SLC2A9: variants seen among roughly 807,000 people sequenced by gnomAD.
The protein encoded by SLC2A9 is solute carrier family 2, facilitated glucose transporter member 9.
Under a neutral mutation model 50.6 loss-of-function variants are expected in SLC2A9, and 39 were observed. The ratio of observed to expected loss-of-function variants is 0.77; its 90% CI spans 0.60 to 1.01. SLC2A9 has a LOEUF of 1.01. Ranked by LOEUF, SLC2A9 falls within the 50% of genes least tolerant of loss-of-function variation. SLC2A9 has a pLI of 0.00. For synonymous variants in SLC2A9, 324 were observed against 276.9 expected (o/e 1.17, Z -1.69); for missense variants, 686 against 677.6 (o/e 1.01, Z -0.14).
intron 2 of SLC2A9, among the ~76,000 whole-genome samples, chr4:10,014,386 C>A (rs73805489): frequency 0.022 from 3,352 of 152,332 alleles, 69 homozygotes; most frequent in African/African-American, 0.059. Flanking sequence ...TGCAGGCCTG[C>A]TCAGCTCACA....
downstream of SLC2A9, among the ~76,000 whole-genome samples, chr4:9,777,456 C>T (rs373968148): frequency 3.9e-5 from 6 of 152,094 alleles, no homozygotes; most frequent in Non-Finnish European, 7.3e-5. Flanking sequence ...CACTTACACA[C>T]CATGTATTGT....
At chr4:9,931,733 G>C (rs543045527) in intron 6 of SLC2A9, among the ~76,000 whole-genome samples, 2 of 151,850 alleles carry the variant, frequency 1.3e-5, no homozygotes, top group Non-Finnish European at 2.9e-5. Flanking sequence ...GGCAGCTTGT[G>C]AGAGCTTGCT....
intron 5 of SLC2A9, among the ~76,000 whole-genome samples, chr4:9,965,134 A>G (rs1752861998): frequency 6.6e-6 from 1 of 152,190 alleles, no homozygotes; most frequent in African/African-American, 2.4e-5. Flanking sequence ...AGGTCCCATT[A>G]TTAATGCTAT....
upstream of SLC2A9, among the ~76,000 whole-genome samples, chr4:10,024,050 A>G (rs576650735): frequency 2.2e-4 from 33 of 152,272 alleles, no homozygotes; most frequent in African/African-American, 7.7e-4. Context: ...CTACTCATTC[A>G]GGTTCTCCTG....
chr4:9,822,440 C>A (rs1398113692), downstream of SLC2A9, among the ~76,000 whole-genome samples: 3 of 150,890 alleles, frequency 2.0e-5, no homozygotes, highest in African/African-American at 7.2e-5. Flanking sequence ...ACTACATAAT[C>A]TCCTCTTTAT....
At chr4:10,026,509 C>T (rs1309318658) in intron 1 of SLC2A9, among the ~76,000 whole-genome samples, 1 of 152,320 alleles carries the variant, frequency 6.6e-6, no homozygotes, top group Admixed American at 6.5e-5. Context: ...TCCACCACCA[C>T]ATCGATGCCC....
intron 2 of SLC2A9, among the ~76,000 whole-genome samples, chr4:10,010,997 G>A (rs138700664): frequency 6.2e-4 from 95 of 152,220 alleles, no homozygotes; most frequent in African/African-American, 2.2e-3. Context: ...TAGGAAGTGC[G>A]TGAGTCCCAG....
chr4:9,934,171 T>C (rs1174995115), intron 6 of SLC2A9, among the ~76,000 whole-genome samples: 1 of 152,146 alleles, frequency 6.6e-6, no homozygotes, highest in Non-Finnish European at 1.5e-5. Context: ...CACTAGCATA[T>C]AAGAGGAACT....
At chr4:9,921,265 G>C (rs1043303383) in intron 6 of SLC2A9, among the ~76,000 whole-genome samples, 3 of 152,068 alleles carry the variant, frequency 2.0e-5, no homozygotes, top group African/African-American at 7.2e-5. Flanking sequence ...TTTCCATGTT[G>C]AACACTGCAA....
In SLC2A9 at chr4:9,781,980, A is replaced by G. The variant is rs559099689; in HGVS notation, n.386-1915T>C. On this transcript the variant is annotated intron_variant and non_coding_transcript_variant, in intron 3 of 3. Transcript: ENST00000503803. ...CCCGATGGGGCTGCCTGGGGGTCGC[A>G]GGGCTGAAGTTGGGACCGCGCACAG... The G allele has an allele frequency of 3.5e-5, 48 of 1,375,718 alleles. No homozygotes were observed. In the East Asian group the frequency reaches 1.0e-3, roughly 30 times the overall value. The allele number at this position is 1,375,718 out of a possible 1,614,324, so 85.2% of individuals were successfully genotyped here.
At chr4:9,888,143 A>G (rs1007766444) in intron 9 of SLC2A9, among the ~76,000 whole-genome samples, 1 of 151,308 alleles carries the variant, frequency 6.6e-6, no homozygotes, top group Admixed American at 6.6e-5. Context: ...GAGGAGGGAT[A>G]GCATTAGGAG....
intron 2 of SLC2A9, among the ~76,000 whole-genome samples, chr4:10,004,538 G>A (rs1560473259): frequency 6.6e-6 from 1 of 152,302 alleles, no homozygotes; most frequent in East Asian, 1.9e-4. Flanking sequence ...CCTAGAGAAT[G>A]GTGGAACCAC....
intron 8 of SLC2A9, among the ~76,000 whole-genome samples, chr4:9,900,317 G>T (rs1739366474): frequency 6.6e-6 from 1 of 152,206 alleles, no homozygotes; most frequent in South Asian, 2.1e-4. Flanking sequence ...TTATCAGAGG[G>T]ATGGGGAGTA....
At chr4:9,795,175 T>TA (rs1720450814), downstream of SLC2A9, among the ~76,000 whole-genome samples, 1 of 151,976 alleles carries the variant, frequency 6.6e-6, no homozygotes, top group East Asian at 1.9e-4. Context: ...CACACTCAGC[T>TA]AGCATTTTTG....
At chr4:9,829,365 C>T (rs1388938880) in intron 11 of SLC2A9, among the ~76,000 whole-genome samples, 2 of 151,098 alleles carry the variant, frequency 1.3e-5, no homozygotes, top group African/African-American at 2.4e-5. Context: ...ACTCAAGATG[C>T]TTAAAGACTT....
At chr4:9,773,701 G>C (rs1374838392) in intron 1 of SLC2A9, among the ~76,000 whole-genome samples, 1 of 152,208 alleles carries the variant, frequency 6.6e-6, no homozygotes, top group Non-Finnish European at 1.5e-5. Flanking sequence ...TAGTTGATTA[G>C]AGCCTGTGCT....
intron 5 of SLC2A9, among the ~76,000 whole-genome samples, chr4:9,959,594 T>G (rs1751919066): frequency 6.6e-6 from 1 of 152,028 alleles, no homozygotes. Flanking sequence ...CTTGAGGGGG[T>G]GGGACGATGG....
intron 8 of SLC2A9, 99 bp from the exon 9 acceptor site, chr4:9,890,810 A>T (rs1475373259): frequency 5.5e-6 from 6 of 1,098,404 alleles, no homozygotes; most frequent in African/African-American, 1.6e-5. Context: ...CATGATTAAA[A>T]ACCGGCTTTG....
chr4:9,947,053 C>T (rs1749310108), intron 5 of SLC2A9, among the ~76,000 whole-genome samples: 1 of 152,144 alleles, frequency 6.6e-6, no homozygotes, highest in South Asian at 2.1e-4. Context: ...AGATGGTTGA[C>T]TTCTCTATTT....
Sources: allele counts gnomAD v4.1 joint callset (sites outside exome capture counted in the v4.1 genomes callset), GRCh38; gene constraint gnomAD v4.1.1; transcripts MANE v1.5; gene names NCBI Gene and HGNC (gene_info 2026-07-23, HGNC 2026-07-21).